Variants in FANCM observed in about 807,000 individuals in gnomAD.
FANCM encodes the protein Fanconi anemia group M protein.
In FANCM, 140 loss-of-function variants were observed where a neutral mutation model predicts 199.5. That is an observed-to-expected ratio of 0.70 (90% CI 0.61 to 0.81). The LOEUF (loss-of-function observed/expected upper bound fraction) is 0.81. FANCM is among the 30% of genes least tolerant of loss of function. The probability of loss-of-function intolerance (pLI) is 0.00; values close to 1 mark genes in which losing one functional copy is unlikely to be tolerated. For missense variants in FANCM, 2,410 were observed against 2,421.4 expected (o/e 1.00, Z 0.10); for synonymous variants, 840 against 836.8 (o/e 1.00, Z -0.07).
In FANCM at chr14:45,188,894, T is replaced by G. The variant is rs919256712; in HGVS notation, c.4872T>G (p.Cys1624Trp). 14 of 1,613,724 alleles carry G rather than the reference T, an allele frequency of 8.7e-6. No individual in the cohort carries two copies. Among genetic ancestry groups the G allele is most frequent in the African/African-American group, 2.7e-5 (2 of 74,932 alleles). Residue 1624 changes from cysteine to tryptophan, a missense_variant, in exon 20 of 23, where the codon TGT becomes TGG. By Grantham distance (215) the Cys-to-Trp change is radical. Transcript: ENST00000267430. ...GCCAATCAAGTGAAGAAGAAGTTTG[T>G]GTTGATTTTAACTTAATAACTGATG... Reference protein sequence around the residue: ...CKGQSSEEEVCVDFNLITDDC... With the variant: ...CKGQSSEEEVWVDFNLITDDC...
intron 13 of FANCM, among the ~76,000 whole-genome samples, chr14:45,174,589 T>C (rs1055055298): frequency 1.3e-5 from 2 of 152,134 alleles, no homozygotes; most frequent in Admixed American, 6.6e-5. Context: ...AGAAGTATAT[T>C]CCAGGATACA....
At chr14:45,156,704 G>A (rs1887213747) in intron 8 of FANCM, among the ~76,000 whole-genome samples, 2 of 152,000 alleles carry the variant, frequency 1.3e-5, no homozygotes, top group South Asian at 2.1e-4. Flanking sequence ...CAGATCACGA[G>A]GTCAAGAAAT....
At chr14:45,152,213 A>G (rs1475976916) in intron 5 of FANCM, among the ~76,000 whole-genome samples, 1 of 151,900 alleles carries the variant, frequency 6.6e-6, no homozygotes, top group African/African-American at 2.4e-5. Flanking sequence ...ATTTTTTAGT[A>G]GAGAGAGGGT....
intron 7 of FANCM, 69 bp from the exon 8 acceptor site, chr14:45,155,304 C>A (rs940038015): frequency 1.5e-6 from 1 of 688,934 alleles, no homozygotes; most frequent in Non-Finnish European, 2.6e-6. Context: ...AGATAACTTT[C>A]ATATACATTA....
chr14:45,160,361 C>T (rs1323393058), intron 9 of FANCM, among the ~76,000 whole-genome samples: 2 of 145,018 alleles, frequency 1.4e-5, no homozygotes, highest in African/African-American at 2.6e-5. Context: ...CTCTCTCTGT[C>T]GCCCAGGGTG....
rs144215747 is a variant in FANCM at position 45,159,275 on chromosome 14, C to G, written c.1576C>G (p.Leu526Val). ...GAAGGGTTTTACCCAGAAGGAGCAACTGGAGGTAATTATTTTTGGAATTGA... is the reference window on the plus strand; with the variant it reads ...GAAGGGTTTTACCCAGAAGGAGCAAGTGGAGGTAATTATTTTTGGAATTGA... ...STKGFTQKEQ[L>V]EVVKQFRDGG... The change falls in exon 9 of 23, where the codon CTG becomes GTG. Residue 526 changes from leucine to valine, a missense_variant. By Grantham distance (32) the Leu-to-Val change is conservative. Transcript: ENST00000267430. 2,773 of 1,609,804 alleles carry G rather than the reference C, an allele frequency of 1.7e-3. 7 individuals are homozygous for G. The highest frequency in any genetic ancestry group is 2.8e-3 in the Admixed American group (165 of 59,870).
chr14:45,189,038 T>G lies in FANCM; in HGVS notation c.5016T>G (p.Asp1672Glu), dbSNP rs776759245. Residue 1672 changes from aspartate (D) to glutamate (E), a missense_variant, in exon 20 of 23, where the codon GAT becomes GAG. Transcript: ENST00000267430. ...KKLSRIILPD[D>E]SSEEENNVND... ...TATCCAGAATTATTTTACCAGATGA[T>G]TCAAGTGAGGAGGAGAACAATGTAA... 4 of 1,613,934 alleles carry G rather than the reference T, an allele frequency of 2.5e-6. No homozygotes were observed. Among genetic ancestry groups the G allele is most frequent in the African/African-American group, 2.7e-5 (2 of 74,928 alleles).
Position 45,137,064 on chromosome 14 carries a change from T to C in FANCM, c.509-5T>C, listed in dbSNP as rs1327398254. On this transcript the variant is annotated splice_region_variant and splice_polypyrimidine_tract_variant and intron_variant, in intron 1 of 22. Coordinates refer to ENST00000267430, the MANE Select transcript of FANCM (RefSeq NM_020937.4). ...TAGAATGTAGAATGTCACTTTTATT[T>C]TCAGGGTCTACACAAGCTTCCACCA... The C allele has an allele frequency of 6.2e-7, 1 of 1,607,530 alleles. No homozygotes were observed. Among genetic ancestry groups the C allele is most frequent in the East Asian group, 2.2e-5 (1 of 44,816 alleles).
intron 18 of FANCM, among the ~76,000 whole-genome samples, chr14:45,187,314 T>TAA (rs77519169): frequency 2.0e-5 from 3 of 150,452 alleles, no homozygotes; most frequent in Admixed American, 6.6e-5. Context: ...ATGCTAGCCA[T>TAA]AAAAAAAAAC....
intron 20 of FANCM, among the ~76,000 whole-genome samples, chr14:45,192,375 C>T (rs1889815687): frequency 6.6e-6 from 1 of 152,230 alleles, no homozygotes; most frequent in South Asian, 2.1e-4. Flanking sequence ...GGGGCAGTGG[C>T]TTACGCCTAT....
chr14:45,137,260 G>A lies in FANCM; in HGVS notation c.681+19G>A, dbSNP rs1423581956. 3 of 1,604,078 alleles carry A rather than the reference G, an allele frequency of 1.9e-6. No homozygotes were observed. Among genetic ancestry groups the A allele is most frequent in the East Asian group, 2.2e-5 (1 of 44,818 alleles). ...TTGCCAGGTAATAATTTTGTTAAACGGTATTTTGTATTGTAACTGTACTGT... is the reference window on the plus strand; with the variant it reads ...TTGCCAGGTAATAATTTTGTTAAACAGTATTTTGTATTGTAACTGTACTGT... On this transcript the variant is annotated intron_variant, in intron 2 of 22. Coordinates refer to ENST00000267430, the MANE Select transcript of FANCM (RefSeq NM_020937.4).
At chr14:45,142,991 G>A (rs1035208235) in intron 3 of FANCM, among the ~76,000 whole-genome samples, 1 of 151,972 alleles carries the variant, frequency 6.6e-6, no homozygotes, top group African/African-American at 2.4e-5. Context: ...AATTATTGTT[G>A]TGGTATTTGC....
Position 45,176,148 on chromosome 14 carries a change from G to A in FANCM, c.3394G>A (p.Glu1132Lys). 6.2e-7 allele frequency: 1 copy of A among 1,614,064 alleles called. No individual in the cohort carries two copies. The highest frequency in any genetic ancestry group is 8.5e-7 in the Non-Finnish European group (1 of 1,179,944). The change falls in exon 14 of 23, where the codon GAA (glutamate) becomes AAA (lysine). Residue 1132 changes from glutamate to lysine, a missense_variant. Coordinates refer to ENST00000267430, the MANE Select transcript of FANCM (RefSeq NM_020937.4). ...DLPVLSTDQD[E>K]SLLLFEDVNT... ...CCCAGTATTGTCCACTGATCAAGAT[G>A]AAAGTTTGCTGTTATTTGAAGATGT...
At chr14:45,155,935 G>A (rs1353609543) in intron 8 of FANCM, among the ~76,000 whole-genome samples, 1 of 152,192 alleles carries the variant, frequency 6.6e-6, no homozygotes, top group East Asian at 1.9e-4. Flanking sequence ...TTTTGGAAGG[G>A]CTAGGGCAAG....
chr14:45,146,795 T>C (rs1376353118), intron 3 of FANCM, among the ~76,000 whole-genome samples: 5 of 132,462 alleles, frequency 3.8e-5, no homozygotes, highest in Non-Finnish European at 3.0e-5. Context: ...ATCGCGCCAC[T>C]GCATTCCAGC....
Position 45,136,167 on chromosome 14 carries a change from G to T in FANCM, c.136G>T (p.Ala46Ser). ...CTCCAAGGCGCCTTTGCCAGCAGCA[G>T]CGGAGGCTCAGCTGGAGTCGGACGA... ...GSSKAPLPAA[A>S]EAQLESDDDV... Residue 46 changes from alanine (A) to serine (S), a missense_variant, in exon 1 of 23, where the codon GCG (alanine) becomes TCG (serine). Transcript: ENST00000267430. 1 of 1,614,208 alleles carries T rather than the reference G, an allele frequency of 6.2e-7. No individual in the cohort carries two copies. Among genetic ancestry groups the T allele is most frequent in the Non-Finnish European group, 8.5e-7 (1 of 1,180,030 alleles).
chr14:45,152,712 T>G (rs1886913021), intron 5 of FANCM, among the ~76,000 whole-genome samples: 1 of 152,186 alleles, frequency 6.6e-6, no homozygotes, highest in South Asian at 2.1e-4. Flanking sequence ...CTGGATATGA[T>G]AATATAGGTT....
chr14:45,187,795 G>A lies in FANCM; in HGVS notation c.4687G>A (p.Ala1563Thr), dbSNP rs377410891. 6.5e-7 allele frequency: 1 copy of A among 1,528,766 alleles called. No homozygotes were observed. The highest frequency in any genetic ancestry group is 9.1e-7 in the Non-Finnish European group (1 of 1,102,858). The allele number at this position is 1,528,766 out of a possible 1,614,324, so 94.7% of individuals were successfully genotyped here. A position where few individuals can be genotyped will look rare whatever the true frequency, so the allele number is the denominator to read the frequency against. ...SQAINDSEMR[A>T]IYMKSLRSPM... ...TCTTTACACAGATTCTGAAATGAGAGCTATTTACATGAAATCTTTGCGTAG... is the reference window on the plus strand; with the variant it reads ...TCTTTACACAGATTCTGAAATGAGAACTATTTACATGAAATCTTTGCGTAG... Residue 1563 changes from alanine to threonine, a missense_variant, in exon 19 of 23, where the codon GCT becomes ACT. Transcript: ENST00000267430.
chr14:45,146,058 C>CAA (rs560556209), intron 3 of FANCM, among the ~76,000 whole-genome samples: 1 of 59,160 alleles, frequency 1.7e-5, no homozygotes, highest in African/African-American at 6.7e-5. Flanking sequence ...GACTCCGTCT[C>CAA]AAAAAAAAAA....
Sources: gnomAD v4.1 joint callset for allele counts (sites outside exome capture counted in the v4.1 genomes callset) on GRCh38, gnomAD v4.1.1 for gene constraint, MANE v1.5 for transcripts, NCBI Gene and HGNC (gene_info 2026-07-23, HGNC 2026-07-21) for gene names.